The following PINX1 variants were observed in gnomAD, a reference collection of about 807,000 sequenced individuals.
PINX1 encodes PIN2 (TERF1) interacting telomerase inhibitor 1.
Under a neutral mutation model 25.4 loss-of-function variants are expected in PINX1, and 34 were observed. The ratio of observed to expected loss-of-function variants is 1.34; its 90% confidence interval spans 1.02 to 1.78. PINX1 has a LOEUF of 1.78. PINX1 is among the 40% of genes most tolerant of loss of function. The pLI, the probability that PINX1 is intolerant of heterozygous loss-of-function variation, is 0.00. For synonymous variants in PINX1, 197 were observed against 147.7 expected (o/e 1.33, Z -2.42); for missense variants, 592 against 404.9 (o/e 1.46, Z -3.97).
chr8:10,805,658 G>C (rs1802423767), intron 6 of PINX1, among the ~76,000 whole-genome samples: 1 of 92,512 alleles, frequency 1.1e-5, no homozygotes, highest in African/African-American at 5.6e-5. Flanking sequence ...AGCGCTGAGT[G>C]GGTGACGGAG....
chr8:10,830,280 G>GA (rs34423801), intron 4 of PINX1, among the ~76,000 whole-genome samples: 1 of 152,174 alleles, frequency 6.6e-6, no homozygotes, highest in South Asian at 2.1e-4. Context: ...AATCTGGTTA[G>GA]AAAAAATACC....
chr8:10,809,163 T>C lies in PINX1; in HGVS notation c.471+11030A>G, dbSNP rs72549105. Among the ~76,000 whole-genome samples the C allele has an allele frequency of 4.9e-3, 741 of 152,330 alleles. 4 individuals are homozygous for C. The highest frequency in any genetic ancestry group is 0.017 in the African/African-American group (709 of 41,574). On this transcript the variant is annotated intron_variant, in intron 6 of 6. Transcript: ENST00000314787. The stretch of plus-strand genomic sequence containing the variant: ...AAAGCCAACTCGGCTATTTTAGCCC[T>C]GTGGAGTGACCAAAAGGAAAGAACA...
intron 6 of PINX1, among the ~76,000 whole-genome samples, chr8:10,803,335 T>G (rs2129080378): frequency 6.6e-6 from 1 of 152,294 alleles, no homozygotes; most frequent in East Asian, 1.9e-4. Context: ...AGACAATAAT[T>G]TCTTGGCATC....
intron 6 of PINX1, among the ~76,000 whole-genome samples, chr8:10,786,085 T>G (rs1174575220): frequency 2.0e-5 from 3 of 152,250 alleles, no homozygotes. Flanking sequence ...GATCCACTAG[T>G]GCCTTTGGTT....
intron 6 of PINX1, among the ~76,000 whole-genome samples, chr8:10,768,077 A>G (rs7834937): frequency 1.6e-5 from 1 of 63,718 alleles, no homozygotes; most frequent in Non-Finnish European, 3.0e-5. Context: ...CACAGCCACA[A>G]AGAGACAGGC....
intron 6 of PINX1, among the ~76,000 whole-genome samples, chr8:10,778,851 A>G (rs1586141086): frequency 1.3e-5 from 2 of 152,196 alleles, no homozygotes; most frequent in East Asian, 3.8e-4. Flanking sequence ...TTTGTCCCAG[A>G]TTGTCCAAGA....
At chr8:10,825,507 C>T in intron 5 of PINX1, 1 of 530,466 alleles carries the variant, frequency 1.9e-6, no homozygotes, top group Non-Finnish European at 3.9e-6. Flanking sequence ...AATGCAAGAT[C>T]GCCACCTAGT....
rs34656824 is a variant in PINX1, at chr8:10,765,444, T to G, written c.944A>C (p.Glu315Ala). 3,435 of 1,610,444 alleles carry G rather than the reference T, an allele frequency of 2.1e-3. 56 individuals carry two copies. In the African/African-American group the frequency reaches 0.041, roughly 19 times the overall value. Residue 315 changes from glutamate to alanine, a missense_variant, in exon 7 of 7, where the codon GAA becomes GCA. Physicochemically the swap from Glu to Ala is moderately radical, Grantham distance 107. Transcript: ENST00000314787. ...CTTCTTCTTTTTCACTAGCGTTTCTTCTAGTGTAGCGTCCTCTGCTATCTC... is the reference window on the plus strand; with the variant it reads ...CTTCTTCTTTTTCACTAGCGTTTCTGCTAGTGTAGCGTCCTCTGCTATCTC... ...PVEIAEDATLEETLVKKKKKK... is the reference protein window; with the variant it reads ...PVEIAEDATLAETLVKKKKKK...
intron 5 of PINX1, among the ~76,000 whole-genome samples, chr8:10,825,822 G>A (rs992149258): frequency 6.6e-6 from 1 of 152,178 alleles, no homozygotes; most frequent in African/African-American, 2.4e-5. Context: ...AAAATGTTGG[G>A]CAAGAAATTA....
chr8:10,780,623 A>T (rs1801556870), intron 6 of PINX1, among the ~76,000 whole-genome samples: 1 of 152,216 alleles, frequency 6.6e-6, no homozygotes, highest in Admixed American at 6.5e-5. Flanking sequence ...CATCAAAAAA[A>T]AAAAATCAAA....
intron 6 of PINX1, among the ~76,000 whole-genome samples, chr8:10,779,589 T>C (rs1801518596): frequency 6.6e-6 from 1 of 152,216 alleles, no homozygotes; most frequent in African/African-American, 2.4e-5. Flanking sequence ...CATTACTCTG[T>C]AACTATTGTG....
intron 4 of PINX1, among the ~76,000 whole-genome samples, chr8:10,828,049 C>T (rs1383949413): frequency 1.3e-5 from 2 of 152,104 alleles, no homozygotes; most frequent in South Asian, 4.1e-4. Flanking sequence ...TGCACTGCAA[C>T]CCCTCCCAGG....
chr8:10,822,824 G>C (rs1245154377), intron 5 of PINX1, among the ~76,000 whole-genome samples: 1 of 152,228 alleles, frequency 6.6e-6, no homozygotes. Flanking sequence ...CGAGAGTAAA[G>C]AAGTGAAGGG....
chr8:10,773,431 G>C (rs1208252993), intron 6 of PINX1, among the ~76,000 whole-genome samples: 1 of 152,176 alleles, frequency 6.6e-6, no homozygotes, highest in East Asian at 1.9e-4. Flanking sequence ...TGACATCAAA[G>C]AGCACTCTCA....
chr8:10,808,473 A>C (rs1802526052), intron 6 of PINX1, among the ~76,000 whole-genome samples: 1 of 152,244 alleles, frequency 6.6e-6, no homozygotes, highest in South Asian at 2.1e-4. Flanking sequence ...ACAAGCATTT[A>C]ACACATAATC....
intron 6 of PINX1, among the ~76,000 whole-genome samples, chr8:10,804,792 C>T (rs1802386779): frequency 6.6e-6 from 1 of 151,798 alleles, no homozygotes; most frequent in African/African-American, 2.4e-5. Context: ...GATCCAACAA[C>T]TCTAGCTAAG....
chr8:10,767,601 T>G (rs2129070214), intron 6 of PINX1, among the ~76,000 whole-genome samples: 1 of 152,326 alleles, frequency 6.6e-6, no homozygotes, highest in East Asian at 1.9e-4. Flanking sequence ...TCTTCAAATG[T>G]TGAAAAAGAG....
At chr8:10,769,788 G>A (rs946850017) in intron 6 of PINX1, among the ~76,000 whole-genome samples, 2 of 152,182 alleles carry the variant, frequency 1.3e-5, no homozygotes, top group African/African-American at 2.4e-5. Flanking sequence ...CAAAGCCCTT[G>A]CTCCCTGTAC....
At chr8:10,789,156 G>C (rs986212972) in intron 6 of PINX1, among the ~76,000 whole-genome samples, 1 of 152,170 alleles carries the variant, frequency 6.6e-6, no homozygotes, top group Non-Finnish European at 1.5e-5. Flanking sequence ...AGGAATAAAA[G>C]ACTCCCACCT....
Sources: allele counts gnomAD v4.1 joint callset (sites outside exome capture counted in the v4.1 genomes callset), GRCh38; gene constraint gnomAD v4.1.1; transcripts MANE v1.5; gene names NCBI Gene and HGNC (gene_info 2026-07-23, HGNC 2026-07-21).